GLCCI1: variants seen among roughly 807,000 people sequenced by gnomAD.
GLCCI1 encodes the protein glucocorticoid-induced transcript 1 protein.
Under a neutral mutation model 52.2 loss-of-function variants are expected in GLCCI1, and 24 were observed. That is an observed-to-expected ratio of 0.46 (90% CI 0.33 to 0.65). The LOEUF is 0.65. GLCCI1 is among the 30% of genes least tolerant of loss of function. The probability of loss-of-function intolerance (pLI) is 0.02; values close to 1 mark genes in which losing one functional copy is unlikely to be tolerated. For synonymous variants in GLCCI1, 310 were observed against 276.5 expected (o/e 1.12, Z -1.20); for missense variants, 704 against 701.5 (o/e 1.00, Z -0.04).
chr7:8,040,489 C>CA (rs201887035), intron 3 of GLCCI1, among the ~76,000 whole-genome samples: 183 of 145,600 alleles, frequency 1.3e-3, no homozygotes, highest in African/African-American at 4.1e-3. Context: ...GACCCTGACT[C>CA]AAAAAAAAAC....
intron 2 of GLCCI1, among the ~76,000 whole-genome samples, chr7:8,012,635 CG>C (rs989526188): frequency 6.6e-6 from 1 of 151,090 alleles, no homozygotes; most frequent in African/African-American, 2.4e-5. Flanking sequence ...TTAGTAGAGA[CG>C]GGGTTTCACC....
At chr7:8,080,969 C>A (rs1452825134) in intron 6 of GLCCI1, among the ~76,000 whole-genome samples, 1 of 151,754 alleles carries the variant, frequency 6.6e-6, no homozygotes, top group South Asian at 2.1e-4. Context: ...GCCACCTCGC[C>A]CAGCGCTTAT....
rs376785509 is a variant in GLCCI1 at position 8,086,742 on chromosome 7, G to T, written c.*204G>T. The stretch of plus-strand genomic sequence containing the variant: ...GAAAGCAGTAATGCTTGCAAAACGT[G>T]TGTGTCATTCAGCATTTTAAGTGGA... On this transcript the variant is annotated 3_prime_UTR_variant, in exon 8 of 8. Coordinates refer to ENST00000223145, the MANE Select transcript of GLCCI1 (RefSeq NM_138426.4). This position sits in a 1 kb window ranked among gnomAD's most constrained non-coding sequence, Gnocchi z 4.4. 3.4e-5 allele frequency: 19 copies of T among 554,150 alleles called. No homozygotes were observed. Among genetic ancestry groups the T allele is most frequent in the East Asian group, 2.9e-4 (10 of 34,260 alleles). The allele number at this position is 554,150 out of a possible 1,614,324, so 34.3% of individuals were successfully genotyped here. A position where few individuals can be genotyped will look rare whatever the true frequency, so the allele number is the denominator to read the frequency against.
At chr7:7,996,412 A>G (rs1780938669) in intron 1 of GLCCI1, among the ~76,000 whole-genome samples, 1 of 152,136 alleles carries the variant, frequency 6.6e-6, no homozygotes, top group Non-Finnish European at 1.5e-5. Flanking sequence ...CATATATGTA[A>G]TTAAAAAAAA....
chr7:8,080,200 T>A (rs974011627), intron 6 of GLCCI1, among the ~76,000 whole-genome samples: 4 of 151,564 alleles, frequency 2.6e-5, no homozygotes, highest in Non-Finnish European at 1.5e-5. Flanking sequence ...AGTTGATAAT[T>A]TCATTTCCTG....
intron 1 of GLCCI1, among the ~76,000 whole-genome samples, chr7:7,976,500 G>GAAAAAAAAAAAA (rs1562413220): frequency 1.3e-5 from 1 of 77,808 alleles, no homozygotes; most frequent in African/African-American, 5.5e-5. Flanking sequence ...AAAAAAAAAG[G>GAAAAAAAAAAAA]AAAGGAAAAA....
chr7:8,040,972 C>T (rs1781985655), intron 3 of GLCCI1, among the ~76,000 whole-genome samples: 2 of 152,182 alleles, frequency 1.3e-5, no homozygotes, highest in African/African-American at 4.8e-5. Context: ...AGTCATACCT[C>T]TCTCACATTC....
intron 6 of GLCCI1, among the ~76,000 whole-genome samples, chr7:8,079,281 TTTTG>T (rs940872292): frequency 7.9e-5 from 12 of 152,122 alleles, no homozygotes; most frequent in African/African-American, 2.9e-4. Flanking sequence ...ATGTTCTGTT[TTTTG>T]TTTTTTTAAA....
intron 1 of GLCCI1, among the ~76,000 whole-genome samples, chr7:7,986,857 C>T (rs1780744320): frequency 6.6e-6 from 1 of 152,114 alleles, no homozygotes; most frequent in South Asian, 2.1e-4. Context: ...GACTTTTTCT[C>T]CTCACTCATT....
chr7:8,030,053 T>G (rs1174196068), intron 3 of GLCCI1, among the ~76,000 whole-genome samples: 21 of 152,036 alleles, frequency 1.4e-4, no homozygotes, highest in Admixed American at 1.4e-3. Flanking sequence ...AAACTAAAAT[T>G]TGTATGGAAT....
intron 2 of GLCCI1, among the ~76,000 whole-genome samples, chr7:8,016,699 T>C (rs1168944717): frequency 6.6e-6 from 1 of 152,148 alleles, no homozygotes; most frequent in African/African-American, 2.4e-5. Flanking sequence ...GGGGGACAAC[T>C]ATTATTGTCA....
At chr7:7,989,389 T>C (rs549205250) in intron 1 of GLCCI1, among the ~76,000 whole-genome samples, 6 of 152,266 alleles carry the variant, frequency 3.9e-5, no homozygotes, top group African/African-American at 1.4e-4. Flanking sequence ...TGTTCTATTT[T>C]TGTGTTTGTA....
intron 3 of GLCCI1, among the ~76,000 whole-genome samples, chr7:8,033,848 A>G (rs1056772410): frequency 1.3e-5 from 2 of 152,182 alleles, no homozygotes; most frequent in East Asian, 1.9e-4. Context: ...TGCAATTTCT[A>G]TGAAAATACC....
intron 2 of GLCCI1, among the ~76,000 whole-genome samples, chr7:8,008,908 T>C (rs1277995390): frequency 6.6e-6 from 1 of 152,058 alleles, no homozygotes; most frequent in African/African-American, 2.4e-5. Context: ...GTTTTTTTTT[T>C]AACTGTTCTG....
chr7:8,083,185 T>C (rs1346359243), intron 6 of GLCCI1, among the ~76,000 whole-genome samples: 1 of 152,210 alleles, frequency 6.6e-6, no homozygotes, highest in African/African-American at 2.4e-5. Context: ...TGAGATGTTT[T>C]GATACACGTA....
intron 3 of GLCCI1, among the ~76,000 whole-genome samples, chr7:8,050,676 C>T (rs1287997996): frequency 3.3e-5 from 5 of 152,008 alleles, no homozygotes; most frequent in African/African-American, 1.2e-4. Context: ...TTTTCCATTC[C>T]CATTTGTCTG....
chr7:8,025,197 G>A (rs941218853), intron 3 of GLCCI1, among the ~76,000 whole-genome samples: 3 of 152,160 alleles, frequency 2.0e-5, no homozygotes, highest in African/African-American at 7.2e-5. Context: ...CCACCGATGT[G>A]TTCTTGGCCA....
intron 1 of GLCCI1, among the ~76,000 whole-genome samples, chr7:7,986,792 T>G (rs1291248307): frequency 6.6e-6 from 1 of 152,196 alleles, no homozygotes; most frequent in Non-Finnish European, 1.5e-5. Flanking sequence ...TTAAGAGATA[T>G]TCAGACCTAG....
Position 8,047,431 on chromosome 7 carries a change from A to T in GLCCI1, c.697-8002A>T, listed in dbSNP as rs112555868. Reference sequence around the variant, plus strand: ...TAAGTAGGGTTTAAGATGTCTGCTAAGGAAATAAGGATTTAATGAATACTT... The same window carrying T: ...TAAGTAGGGTTTAAGATGTCTGCTATGGAAATAAGGATTTAATGAATACTT... On this transcript the variant is annotated intron_variant, in intron 3 of 7. Coordinates refer to ENST00000223145, the MANE Select transcript of GLCCI1 (RefSeq NM_138426.4). Among the ~76,000 whole-genome samples, 38 of 152,358 alleles carry T rather than the reference A, an allele frequency of 2.5e-4. 1 individual carries two copies. The highest frequency in any genetic ancestry group is 5.8e-4 in the African/African-American group (24 of 41,594).
Sources: gnomAD v4.1 joint callset for allele counts (sites outside exome capture counted in the v4.1 genomes callset) on GRCh38, gnomAD v4.1.1 for gene constraint, Gnocchi (gnomAD v3.1) non-coding constraint, MANE v1.5 for transcripts, NCBI Gene and HGNC (gene_info 2026-07-23, HGNC 2026-07-21) for gene names.